Variants in GCM2 observed in about 807,000 individuals in gnomAD.
GCM2 encodes the protein GCM transcription factor 2.
GCM2 carries 21 observed loss-of-function variants against 24.8 expected under a neutral mutation model. The observed-to-expected ratio is 0.85, with a 90% CI of 0.60 to 1.22. The LOEUF (loss-of-function observed/expected upper bound fraction) is 1.22. Ranked by LOEUF, GCM2 falls within the 50% of genes most tolerant of loss-of-function variation. The pLI, the probability that GCM2 is intolerant of heterozygous loss-of-function variation, is 0.00. For missense variants in GCM2, 532 were observed against 645.6 expected (o/e 0.82, Z 1.91); for synonymous variants, 222 against 238.0 (o/e 0.93, Z 0.62).
In GCM2 at chr6:10,873,797, A is replaced by G; in HGVS notation, c.*198T>C. On this transcript the variant is annotated 3_prime_UTR_variant, in exon 5 of 5. Transcript: ENST00000379491. ...ACTTCTATGTATTGTAGCCAGTTTC[A>G]AAATGCTGTGTGAAATTTCCCATAT... is the stretch of plus-strand genomic sequence containing the variant. 1.6e-6 allele frequency: 1 copy of G among 636,594 alleles called. No individual in the cohort carries two copies. Among genetic ancestry groups the G allele is most frequent in the South Asian group, 1.8e-5 (1 of 55,552 alleles). The allele number at this position is 636,594 out of a possible 1,614,324, so 39.4% of individuals were successfully genotyped here.
At position 10,876,465 on chromosome 6, in the gene GCM2, C is replaced by T; in HGVS notation, c.436G>A (p.Gly146Ser). ...CCTACCTGAAAAAAGATCGCGTTGC[C>T]ATCAAGCCGCCAAAAGTTGGTTACG... ...YPVTNFWRLD[G>S]NAIFFQAKGV... Residue 146 changes from glycine (G) to serine (S), a missense_variant, in exon 3 of 5, where the codon GGC (glycine) becomes AGC (serine). Physicochemically the swap from Gly to Ser is moderately conservative, Grantham distance 56. This residue lies in a region of GCM2 where 434 missense variants were observed against 521.9 expected (regional missense o/e 0.83). Coordinates refer to ENST00000379491, the MANE Select transcript of GCM2 (RefSeq NM_004752.4). 6.2e-7 allele frequency: 1 copy of T among 1,612,218 alleles called. No individual in the cohort carries two copies.
chr6:10,876,714 G>A (rs1247196878), intron 2 of GCM2, among the ~76,000 whole-genome samples, 157 bp from the exon 3 acceptor site: 1 of 152,200 alleles, frequency 6.6e-6, no homozygotes, highest in Non-Finnish European at 1.5e-5. Context: ...TGGATCACTT[G>A]AGGTCAGGAG....
chr6:10,877,450 T>C (rs1250813301), intron 1 of GCM2, 58 bp from the exon 2 acceptor site: 10 of 1,589,886 alleles, frequency 6.3e-6, no homozygotes, highest in Non-Finnish European at 7.8e-6. Context: ...GCACACATCA[T>C]GCTCTAAAAT....
Position 10,876,489 on chromosome 6 carries a change from C to T in GCM2, c.412G>A (p.Val138Ile), listed in dbSNP as rs775445560. The T allele has an allele frequency of 3.7e-6, 6 of 1,614,044 alleles. No homozygotes were observed. The highest frequency in any genetic ancestry group is 2.7e-5 in the African/African-American group (2 of 75,042). The change falls in exon 3 of 5, where the codon GTA becomes ATA. Residue 138 changes from valine to isoleucine, a missense_variant. Around this residue, in one of 3 missense-constraint regions of GCM2, gnomAD observed 434 missense variants for 521.9 expected, o/e 0.83. Coordinates refer to ENST00000379491, the MANE Select transcript of GCM2 (RefSeq NM_004752.4). ...IPCRGHSGYP[V>I]TNFWRLDGNA... ...CCATCAAGCCGCCAAAAGTTGGTTA[C>T]GGGGTATCCGCTGTGCCCTCGACAA... is the stretch of plus-strand genomic sequence containing the variant.
chr6:10,874,479 G>T lies in GCM2; in HGVS notation c.1037C>A (p.Thr346Asn). Reference protein sequence around the residue: ...ALGKPSLVERTNHGQFQAMAT... With the variant: ...ALGKPSLVERNNHGQFQAMAT... Reference sequence around the variant, plus strand: ...CATGGCCTGAAACTGCCCATGGTTAGTCCTTTCCACAAGGCTGGGTTTTCC... The same window carrying T: ...CATGGCCTGAAACTGCCCATGGTTATTCCTTTCCACAAGGCTGGGTTTTCC... Residue 346 changes from threonine to asparagine, a missense_variant, in exon 5 of 5, where the codon ACT (threonine) becomes AAT (asparagine). Physicochemically the swap from Thr to Asn is moderately conservative, Grantham distance 65. Around this residue, in one of 3 missense-constraint regions of GCM2, gnomAD observed 434 missense variants for 521.9 expected, o/e 0.83. Coordinates refer to ENST00000379491, the MANE Select transcript of GCM2 (RefSeq NM_004752.4). 6.2e-7 allele frequency: 1 copy of T among 1,614,198 alleles called. No individual in the cohort carries two copies. The highest frequency in any genetic ancestry group is 8.5e-7 in the Non-Finnish European group (1 of 1,180,038).
intron 1 of GCM2, among the ~76,000 whole-genome samples, chr6:10,879,842 A>G (rs889414941): frequency 1.3e-5 from 2 of 152,228 alleles, no homozygotes; most frequent in African/African-American, 4.8e-5. Flanking sequence ...CTAAAATGCA[A>G]GATATGATTG....
chr6:10,874,085 A>C lies in GCM2; in HGVS notation c.1431T>G (p.Thr477=), dbSNP rs780587572. ...CCAGCCCAGACAGACACACATCCCA[A>C]GTCTCTGCTTCATCTGTCCTAGAGG... ...PVSSRTDEAE[T]WDVCLSGLGS... Residue 477 remains threonine, a synonymous_variant, in exon 5 of 5, where the codon ACT becomes ACG. Coordinates refer to ENST00000379491, the MANE Select transcript of GCM2 (RefSeq NM_004752.4). 20 of 1,614,086 alleles carry C rather than the reference A, an allele frequency of 1.2e-5. No homozygotes were observed. In the South Asian group the frequency reaches 1.9e-4, roughly 15 times the overall value.
chr6:10,874,694 G>T lies in GCM2; in HGVS notation c.822C>A (p.Ser274Arg), dbSNP rs1440063705. Residue 274 changes from serine to arginine, a missense_variant, in exon 5 of 5, where the codon AGC becomes AGA. Coordinates refer to ENST00000379491, the MANE Select transcript of GCM2 (RefSeq NM_004752.4). ...TATAACCAGGGTTTGCCAATTCATAGCTGCAAGGTGGCCTAGGCAAATAGA... is the reference window on the plus strand; with the variant it reads ...TATAACCAGGGTTTGCCAATTCATATCTGCAAGGTGGCCTAGGCAAATAGA... The part of the protein sequence containing the change: ...PRIYLPRPPC[S>R]YELANPGYTN... 6.2e-7 allele frequency: 1 copy of T among 1,613,962 alleles called. No homozygotes were observed. Among genetic ancestry groups the T allele is most frequent in the Non-Finnish European group, 8.5e-7 (1 of 1,179,954 alleles).
chr6:10,874,336 A>G lies in GCM2; in HGVS notation c.1180T>C (p.Tyr394His). Residue 394 changes from tyrosine to histidine, a missense_variant, in exon 5 of 5, where the codon TAC (tyrosine) becomes CAC (histidine). Around this residue, in one of 3 missense-constraint regions of GCM2, gnomAD observed 434 missense variants for 521.9 expected, o/e 0.83. Transcript: ENST00000379491. Reference sequence around the variant, plus strand: ...CTGTATTTCATAGCAGGGGGCTGGTAGGCCTGGTAGGACACTTTAGTGGTG... The same window carrying G: ...CTGTATTTCATAGCAGGGGGCTGGTGGGCCTGGTAGGACACTTTAGTGGTG... ...TTTTKVSYQAYQPPAMKYSDS... is the reference protein window; with the variant it reads ...TTTTKVSYQAHQPPAMKYSDS... The G allele has an allele frequency of 6.2e-7, 1 of 1,614,188 alleles. No homozygotes were observed. The highest frequency in any genetic ancestry group is 8.5e-7 in the Non-Finnish European group (1 of 1,180,016).
rs1403389905 is a variant in GCM2 at position 10,881,864 on chromosome 6, TG to T, written c.-72del. The stretch of plus-strand genomic sequence containing the variant: ...AAGAAAAAAGGACAGGTGCGCCAGG[TG>T]GGTTTTTTTTCTTCTCTTTAAAGAA... On this transcript the variant is annotated 5_prime_UTR_variant, in exon 1 of 5. Coordinates refer to ENST00000379491, the MANE Select transcript of GCM2 (RefSeq NM_004752.4). The T allele has an allele frequency of 7.8e-6, 10 of 1,281,220 alleles. No homozygotes were observed. Among genetic ancestry groups the T allele is most frequent in the South Asian group, 1.2e-5 (1 of 82,982 alleles). 79.4% of individuals were successfully genotyped at this position (1,281,220 alleles called of 1,614,324 possible). A position where few individuals can be genotyped will look rare whatever the true frequency, so the allele number is the denominator to read the frequency against.
At position 10,874,256 on chromosome 6, in the gene GCM2, A is replaced by G. The variant is rs1779842907; in HGVS notation, c.1260T>C (p.Asp420=). ...GTTCTGGATAGACAGACATCCCAGT[A>G]TCTTCAGGAGCATAGTTACAGCTCG... ...SLSSCNYAPE[D]TGMSVYPEPW... Residue 420 remains aspartate (D), a synonymous_variant, in exon 5 of 5, where the codon GAT becomes GAC. Coordinates refer to ENST00000379491, the MANE Select transcript of GCM2 (RefSeq NM_004752.4). The G allele has an allele frequency of 6.2e-7, 1 of 1,614,084 alleles. No homozygotes were observed. The highest frequency in any genetic ancestry group is 1.3e-5 in the African/African-American group (1 of 74,934).
intron 1 of GCM2, 87 bp downstream of exon 1, chr6:10,881,617 C>T: frequency 1.3e-6 from 1 of 770,722 alleles, no homozygotes; most frequent in Admixed American, 2.0e-5. Flanking sequence ...TATGGTCCGT[C>T]CGCAGACTCT....
Position 10,877,255 on chromosome 6 carries a change from G to A in GCM2, c.228C>T (p.Ile76=), listed in dbSNP as rs748040593. The A allele has an allele frequency of 6.2e-7, 1 of 1,614,240 alleles. No individual in the cohort carries two copies. Among genetic ancestry groups the A allele is most frequent in the South Asian group, 1.1e-5 (1 of 91,092 alleles). Residue 76 remains isoleucine (I), a synonymous_variant, in exon 2 of 5, where the codon ATC becomes ATT. Coordinates refer to ENST00000379491, the MANE Select transcript of GCM2 (RefSeq NM_004752.4). ...CCACACCCAGGCACGACTTCTTGAGGATGTGGCCATTGTGGTTGTTGGTGT... is the reference window on the plus strand; with the variant it reads ...CCACACCCAGGCACGACTTCTTGAGAATGTGGCCATTGTGGTTGTTGGTGT... The part of the protein sequence containing the change: ...MRNTNNHNGH[I]LKKSCLGVVV...
Position 10,881,905 on chromosome 6 carries a change from T to C in GCM2, c.-112A>G. 2 of 798,080 alleles carry C rather than the reference T, an allele frequency of 2.5e-6. No homozygotes were observed. Among genetic ancestry groups the C allele is most frequent in the Non-Finnish European group, 2.1e-6 (1 of 472,930 alleles). 49.4% of individuals were successfully genotyped at this position (798,080 alleles called of 1,614,324 possible). A position where few individuals can be genotyped will look rare whatever the true frequency, so the allele number is the denominator to read the frequency against. On this transcript the variant is annotated 5_prime_UTR_variant, in exon 1 of 5. Coordinates refer to ENST00000379491, the MANE Select transcript of GCM2 (RefSeq NM_004752.4). ...TCTTTAAAGAAGAAAGTGGGGTGTG[T>C]GAAGGGGAGGTGCAGAGAGAGAGAA...
rs373044562 is a variant in GCM2 at position 10,877,405 on chromosome 6, A to G, written c.91-13T>C. The stretch of plus-strand genomic sequence containing the variant: ...AGAGGGCCAGCTCCTGGAAGAGTGC[A>G]GAAGGAAGGGTGGTCAGTCTATCCA... On this transcript the variant is annotated splice_polypyrimidine_tract_variant and intron_variant, in intron 1 of 4. Transcript: ENST00000379491. 4.3e-6 allele frequency: 7 copies of G among 1,614,130 alleles called. No individual in the cohort carries two copies. The highest frequency in any genetic ancestry group is 5.9e-6 in the Non-Finnish European group (7 of 1,179,996).
At chr6:10,880,247 C>T (rs1278008035) in intron 1 of GCM2, among the ~76,000 whole-genome samples, 1 of 151,702 alleles carries the variant, frequency 6.6e-6, no homozygotes, top group African/African-American at 2.4e-5. Context: ...AAGAGCTAAA[C>T]CCCGCCTCAA....
chr6:10,879,644 T>A (rs1214825920), intron 1 of GCM2, among the ~76,000 whole-genome samples: 1 of 152,180 alleles, frequency 6.6e-6, no homozygotes, highest in Non-Finnish European at 1.5e-5. Context: ...CTCACTCGGT[T>A]ACCCAGAGCA....
At chr6:10,880,048 G>C (rs1779936807) in intron 1 of GCM2, among the ~76,000 whole-genome samples, 1 of 152,202 alleles carries the variant, frequency 6.6e-6, no homozygotes, top group Non-Finnish European at 1.5e-5. Flanking sequence ...CTGAGGTCAG[G>C]AGTTCGAGAC....
Position 10,873,687 on chromosome 6 carries a change from T to A in GCM2, c.*308A>T, listed in dbSNP as rs562115657. On this transcript the variant is annotated 3_prime_UTR_variant, in exon 5 of 5. Transcript: ENST00000379491. ...CAGAATCCTTGACTTCTACTCCTGC[T>A]AATAAGCTAAGTGAACTTAGGTCAG... 2.4e-4 allele frequency: 97 copies of A among 399,346 alleles called. No homozygotes were observed. The highest frequency in any genetic ancestry group is 2.2e-3 in the South Asian group (95 of 44,158). 24.7% of individuals were successfully genotyped at this position (399,346 alleles called of 1,614,324 possible).
Sources: allele counts gnomAD v4.1 joint callset (sites outside exome capture counted in the v4.1 genomes callset), GRCh38; gene constraint gnomAD v4.1.1; regional missense constraint gnomAD v4.1.1; transcripts MANE v1.5; gene names NCBI Gene and HGNC (gene_info 2026-07-23, HGNC 2026-07-21).